GPHN: variants seen among roughly 807,000 people sequenced by gnomAD.
The protein encoded by GPHN is gephyrin.
A neutral mutation model predicts 95.5 loss-of-function variants in GPHN; 17 were observed. The ratio of observed to expected loss-of-function variants is 0.18; its 90% CI spans 0.12 to 0.27. The LOEUF (loss-of-function observed/expected upper bound fraction) is 0.27. Among genes scored for constraint, GPHN ranks in the 10% least tolerant of loss-of-function variants. The pLI is 1.00. For synonymous variants in GPHN, 320 were observed against 322.5 expected (o/e 0.99, Z 0.08); for missense variants, 660 against 978.1 (o/e 0.67, Z 4.34).
At chr14:67,044,982 C>T (rs1334132366) in intron 10 of GPHN, among the ~76,000 whole-genome samples, 1 of 152,144 alleles carries the variant, frequency 6.6e-6, no homozygotes, top group Non-Finnish European at 1.5e-5. Flanking sequence ...CATCTCCATA[C>T]AGAATCCTGT....
chr14:67,573,964 A>G, the GPHN span: 30,638 of 1,009,976 alleles, frequency 0.03, 1,366 homozygotes, highest in East Asian at 0.13. The surrounding 1 kb of genome is among the most constrained non-coding windows in gnomAD (Gnocchi z 4.8). Context: ...TGAGACAAAG[A>G]TGGGGCCAAA....
chr14:67,665,941 G>A, the GPHN span, among the ~76,000 whole-genome samples: 1 of 152,180 alleles, frequency 6.6e-6, no homozygotes, highest in South Asian at 2.1e-4. Flanking sequence ...CACCAAGGCA[G>A]CTATTACTGT....
chr14:66,844,709 T>C (rs1385553884), intron 4 of GPHN, among the ~76,000 whole-genome samples: 2 of 152,128 alleles, frequency 1.3e-5, no homozygotes, highest in East Asian at 1.9e-4. Context: ...TTTCAGTAGC[T>C]TTTTAAAATT....
intron 1 of GPHN, among the ~76,000 whole-genome samples, chr14:66,597,997 G>A (rs1195888020): frequency 6.6e-6 from 1 of 152,190 alleles, no homozygotes. Flanking sequence ...GGATCAACCT[G>A]TAGGACATTA....
At chr14:67,503,333 G>A in the GPHN span, among the ~76,000 whole-genome samples, 1 of 152,348 alleles carries the variant, frequency 6.6e-6, no homozygotes, top group South Asian at 2.1e-4. Context: ...ACTGAAGCAG[G>A]GGTGGGCGTG....
intron 19 of GPHN, among the ~76,000 whole-genome samples, chr14:67,160,176 C>G (rs1254705251): frequency 6.6e-6 from 1 of 152,102 alleles, no homozygotes; most frequent in South Asian, 2.1e-4. Flanking sequence ...CTGCCCCCAC[C>G]CTTTTTGTTG....
At position 66,730,624 on chromosome 14, in the gene GPHN, A is replaced by G. The variant is rs1466590927; in HGVS notation, c.144-45840A>G. On this transcript the variant is annotated intron_variant, in intron 2 of 22. Transcript: ENST00000478722. ...AATAGTTATACATCGTTTTTTAAACACTATGTTCAAGGCATCTTGATCTGT... is the reference window on the plus strand; with the variant it reads ...AATAGTTATACATCGTTTTTTAAACGCTATGTTCAAGGCATCTTGATCTGT... Among the ~76,000 whole-genome samples, 4 of 152,346 alleles carry G rather than the reference A, an allele frequency of 2.6e-5. No individual in the cohort carries two copies. The East Asian group carries it at 5.8e-4, about 22-fold the overall frequency.
chr14:67,319,966 AT>A, the GPHN span, among the ~76,000 whole-genome samples: 1 of 152,224 alleles, frequency 6.6e-6, no homozygotes, highest in Admixed American at 6.5e-5. Context: ...TTGACTGCAA[AT>A]TAGCTGTTTA....
At chr14:67,069,446 A>G (rs1027364257) in intron 11 of GPHN, among the ~76,000 whole-genome samples, 1 of 152,226 alleles carries the variant, frequency 6.6e-6, no homozygotes. Flanking sequence ...GCCTATGCTC[A>G]GGCAGCTAAC....
intron 2 of GPHN, among the ~76,000 whole-genome samples, chr14:66,716,847 T>C (rs1011719017): frequency 6.6e-5 from 10 of 152,222 alleles, no homozygotes; most frequent in African/African-American, 2.2e-4. Context: ...AGGACCCCAA[T>C]CCCTTCTAGC....
At chr14:67,716,881 CAAA>C in the GPHN span, among the ~76,000 whole-genome samples, 15 of 85,270 alleles carry the variant, frequency 1.8e-4, no homozygotes, top group African/African-American at 1.4e-4. Flanking sequence ...GAGTCTCTGT[CAAA>C]AAAAAAAAAA....
the GPHN span, among the ~76,000 whole-genome samples, chr14:67,230,943 C>T: frequency 6.6e-6 from 1 of 152,226 alleles, no homozygotes; most frequent in African/African-American, 2.4e-5. Context: ...CACCATCCCA[C>T]CTGGAACAGG....
the GPHN span, among the ~76,000 whole-genome samples, chr14:67,319,600 G>C: frequency 7.1e-6 from 1 of 140,266 alleles, no homozygotes; most frequent in African/African-American, 2.9e-5. Flanking sequence ...ACTAGAGATA[G>C]CTGATGAGCT....
rs1401362635 is a variant in GPHN at position 66,934,129 on chromosome 14, ACT to A, written c.828+9840_828+9841del. Among the ~76,000 whole-genome samples the A allele has an allele frequency of 3.1e-5, 4 of 129,468 alleles. No individual in the cohort carries two copies. In the South Asian group the frequency reaches 9.8e-4, roughly 32 times the overall value. The allele number at this position is 129,468 out of a possible 152,430, so 84.9% of individuals were successfully genotyped here. A position where few individuals can be genotyped will look rare whatever the true frequency, so the allele number is the denominator to read the frequency against. ...ACTTCAACCCAGGTGACAGAGCAAG[ACT>A]CTGTCTCAAAAAAAAAAAAAAAAAA... On this transcript the variant is annotated intron_variant, in intron 8 of 22. Transcript: ENST00000478722.
intron 2 of GPHN, among the ~76,000 whole-genome samples, chr14:66,681,745 T>C (rs1281382911): frequency 6.6e-6 from 1 of 152,188 alleles, no homozygotes; most frequent in African/African-American, 2.4e-5. Flanking sequence ...TACTCTACAA[T>C]AATGTCACTT....
At chr14:67,715,391 G>T in the GPHN span, among the ~76,000 whole-genome samples, 9 of 152,294 alleles carry the variant, frequency 5.9e-5, no homozygotes, top group African/African-American at 1.7e-4. Context: ...AAAACATTTT[G>T]TCTAAGAGGC....
At chr14:66,638,174 C>A (rs2064202955) in intron 1 of GPHN, among the ~76,000 whole-genome samples, 1 of 152,094 alleles carries the variant, frequency 6.6e-6, no homozygotes, top group Non-Finnish European at 1.5e-5. Flanking sequence ...AGCTAGCTTT[C>A]TTCAACTGCC....
the GPHN span, among the ~76,000 whole-genome samples, chr14:67,433,007 G>A: frequency 1.3e-5 from 2 of 152,146 alleles, no homozygotes; most frequent in Admixed American, 1.3e-4. Flanking sequence ...TTCTTGTTGA[G>A]CTTGAATGTT....
chr14:66,838,491 T>C (rs2061949513), intron 4 of GPHN, among the ~76,000 whole-genome samples: 3 of 152,152 alleles, frequency 2.0e-5, no homozygotes. Flanking sequence ...AATTTATCAG[T>C]GATGATATCT....
Sources: gnomAD v4.1 joint callset for allele counts (sites outside exome capture counted in the v4.1 genomes callset) on GRCh38, gnomAD v4.1.1 for gene constraint, Gnocchi (gnomAD v3.1) non-coding constraint, MANE v1.5 for transcripts, NCBI Gene and HGNC (gene_info 2026-07-23, HGNC 2026-07-21) for gene names.